THSD7B: variants seen among roughly 807,000 people sequenced by gnomAD.
The protein encoded by THSD7B is thrombospondin type-1 domain-containing protein 7B.
THSD7B carries 138 observed loss-of-function variants against 213.6 expected under a neutral mutation model. The ratio of observed to expected loss-of-function variants is 0.65; its 90% CI spans 0.56 to 0.74. The LOEUF is 0.74. THSD7B is among the 30% of genes least tolerant of loss of function. THSD7B has a pLI of 0.00. For missense variants in THSD7B, 1,931 were observed against 1,991.5 expected, an observed-to-expected ratio of 0.97 and a Z score of 0.58; for synonymous variants, 742 against 687.0, an observed-to-expected ratio of 1.08 and a Z score of -1.25.
chr2:137,417,733 T>G (rs367569564), intron 14 of THSD7B, among the ~76,000 whole-genome samples: 1 of 152,182 alleles, frequency 6.6e-6, no homozygotes, highest in Non-Finnish European at 1.5e-5. Context: ...GCAACTGACC[T>G]AAGACAGCAT....
At chr2:136,930,601 T>C (rs1049763881) in intron 2 of THSD7B, among the ~76,000 whole-genome samples, 62 of 152,168 alleles carry the variant, frequency 4.1e-4, no homozygotes, top group Non-Finnish European at 5.1e-4. Context: ...ACTGCCAGCA[T>C]CCAGGCTGAT....
chr2:137,075,992 C>T (rs1687613608), intron 3 of THSD7B, among the ~76,000 whole-genome samples: 1 of 152,162 alleles, frequency 6.6e-6, no homozygotes, highest in African/African-American at 2.4e-5. Context: ...GTCTGTCTGC[C>T]CCTACTGGGG....
intron 10 of THSD7B, among the ~76,000 whole-genome samples, chr2:137,243,888 T>A (rs1282649805): frequency 6.6e-6 from 1 of 152,220 alleles, no homozygotes; most frequent in Non-Finnish European, 1.5e-5. Context: ...ATGGATAGAA[T>A]CAGAAATAAA....
At chr2:137,172,909 A>G (rs1045920744) in intron 7 of THSD7B, among the ~76,000 whole-genome samples, 1 of 152,108 alleles carries the variant, frequency 6.6e-6, no homozygotes, top group Non-Finnish European at 1.5e-5. Context: ...TTCTGTGTTG[A>G]GTTTGGAGTA....
At chr2:137,656,369 ATT>A (rs948621901) in intron 22 of THSD7B, among the ~76,000 whole-genome samples, 2 of 152,232 alleles carry the variant, frequency 1.3e-5, no homozygotes, top group African/African-American at 4.8e-5. Context: ...TAAATTAAAC[ATT>A]CTTTGGTCCA....
chr2:137,085,898 A>G (rs968349912), intron 3 of THSD7B, among the ~76,000 whole-genome samples: 4 of 152,228 alleles, frequency 2.6e-5, no homozygotes, highest in African/African-American at 7.2e-5. Flanking sequence ...AAATCAAATT[A>G]TAGGAAAATA....
intron 1 of THSD7B, among the ~76,000 whole-genome samples, chr2:136,860,077 G>A (rs1683236429): frequency 6.8e-6 from 1 of 147,164 alleles, no homozygotes; most frequent in African/African-American, 2.5e-5. Flanking sequence ...GAGTGCAGCG[G>A]CGTGATCTCG....
chr2:137,491,895 T>A (rs1679415726), intron 15 of THSD7B, among the ~76,000 whole-genome samples: 1 of 152,230 alleles, frequency 6.6e-6, no homozygotes. Flanking sequence ...GTATTCGATA[T>A]GTCATGATTT....
chr2:137,618,567 C>A (rs777478572), intron 19 of THSD7B, 60 bp downstream of exon 19: 28 of 1,456,412 alleles, frequency 1.9e-5, no homozygotes, highest in Non-Finnish European at 2.7e-5. Context: ...TATTGGTCTG[C>A]AGTTCCATGA....
rs573115982 is a variant in THSD7B, at chr2:137,070,037, G to C, written c.950+12807G>C. On this transcript the variant is annotated intron_variant, in intron 3 of 27. Transcript: ENST00000409968. ...ATTTAATTTTATTTTTGTACATATT[G>C]AACATTAACATGTTTCTAAAAATAA... is the stretch of plus-strand genomic sequence containing the variant. Among the ~76,000 whole-genome samples, 10 of 151,504 alleles carry C rather than the reference G, an allele frequency of 6.6e-5. No individual in the cohort carries two copies. In the South Asian group the frequency reaches 2.1e-3, roughly 32 times the overall value.
intron 3 of THSD7B, among the ~76,000 whole-genome samples, chr2:137,086,981 T>A (rs746229966): frequency 1.3e-5 from 2 of 152,182 alleles, no homozygotes; most frequent in Non-Finnish European, 2.9e-5. Flanking sequence ...TTGCAAGAAA[T>A]TGAGCACAAC....
chr2:136,825,474 G>A (rs1682630581), intron 1 of THSD7B, among the ~76,000 whole-genome samples: 1 of 152,056 alleles, frequency 6.6e-6, no homozygotes, highest in Admixed American at 6.5e-5. Flanking sequence ...CACCTTCAAA[G>A]CCTGCAGCAA....
intron 15 of THSD7B, among the ~76,000 whole-genome samples, chr2:137,556,763 C>T (rs1026437073): frequency 7.9e-5 from 12 of 152,068 alleles, no homozygotes; most frequent in Middle Eastern, 3.2e-3. Context: ...TAGATAGAGT[C>T]AAGACCCATC....
chr2:137,634,746 A>G (rs190270099), intron 20 of THSD7B, among the ~76,000 whole-genome samples: 1 of 152,316 alleles, frequency 6.6e-6, no homozygotes, highest in Admixed American at 6.5e-5. Context: ...TTCTAAGTGT[A>G]TACATTGACA....
At chr2:137,122,627 A>G (rs1558929062) in intron 5 of THSD7B, among the ~76,000 whole-genome samples, 1 of 152,264 alleles carries the variant, frequency 6.6e-6, no homozygotes, top group East Asian at 1.9e-4. Context: ...ATGTGATCAG[A>G]TCATGATATG....
At chr2:137,172,859 T>C (rs1290996927) in intron 7 of THSD7B, among the ~76,000 whole-genome samples, 1 of 152,186 alleles carries the variant, frequency 6.6e-6, no homozygotes, top group African/African-American at 2.4e-5. Flanking sequence ...AATTGCAGGA[T>C]GCCCAGGTGG....
intron 14 of THSD7B, among the ~76,000 whole-genome samples, chr2:137,419,915 A>G (rs1461639965): frequency 1.3e-5 from 2 of 152,126 alleles, no homozygotes; most frequent in African/African-American, 2.4e-5. Flanking sequence ...GTGGGAGTAT[A>G]GATACCCCTT....
At chr2:136,953,720 A>T (rs565087259) in intron 2 of THSD7B, among the ~76,000 whole-genome samples, 1 of 152,320 alleles carries the variant, frequency 6.6e-6, no homozygotes, top group South Asian at 2.1e-4. Flanking sequence ...AAACCCATGT[A>T]AACCCAAAGC....
In THSD7B at chr2:137,025,866, A is replaced by C. The variant is rs536316627; in HGVS notation, c.140-30554A>C. ...TTATAATATATTATTAAAGGAGAAA[A>C]ATAGATTTAGTTAGATATCAGCCAT... is the stretch of plus-strand genomic sequence containing the variant. On this transcript the variant is annotated intron_variant, in intron 2 of 27. Coordinates refer to ENST00000409968, the MANE Select transcript of THSD7B (RefSeq NM_001316349.2). 2.6e-4 allele frequency among the ~76,000 whole-genome samples: 39 copies of C among 152,168 alleles called. 1 individual carries two copies. In the South Asian group the frequency reaches 7.9e-3, roughly 31 times the overall value.
Sources: gnomAD v4.1 joint callset for allele counts (sites outside exome capture counted in the v4.1 genomes callset) on GRCh38, gnomAD v4.1.1 for gene constraint, MANE v1.5 for transcripts, NCBI Gene and HGNC (gene_info 2026-07-23, HGNC 2026-07-21) for gene names.